Variants in PRIM2 observed in about 807,000 individuals in gnomAD.
PRIM2 encodes DNA primase subunit 2.
PRIM2 carries 39 observed loss-of-function variants against 67.3 expected under a neutral mutation model. That is an observed-to-expected ratio of 0.58 (90% CI 0.45 to 0.76). PRIM2 has a LOEUF of 0.76. Among genes scored for constraint, PRIM2 ranks in the 30% least tolerant of loss-of-function variants. The pLI, the probability that PRIM2 is intolerant of heterozygous loss-of-function variation, is 0.00. For synonymous variants in PRIM2, 143 were observed against 198.7 expected, an observed-to-expected ratio of 0.72 and a Z score of 2.36; for missense variants, 398 against 598.7, an observed-to-expected ratio of 0.66 and a Z score of 3.50.
At chr6:57,627,278 TCAAAAA>T (rs1384740709) in intron 12 of PRIM2, among the ~76,000 whole-genome samples, 3 of 4,858 alleles carry the variant, frequency 6.2e-4, no homozygotes, top group African/African-American at 3.0e-3. Context: ...AGACTCTGTC[TCAAAAA>T]AAAAAAAAAA....
chr6:57,419,337 C>A (rs371763688), intron 7 of PRIM2, among the ~76,000 whole-genome samples: 3 of 152,006 alleles, frequency 2.0e-5, no homozygotes, highest in Non-Finnish European at 4.4e-5. Context: ...TAGGGTTATT[C>A]TAGGTTGGTT....
intron 7 of PRIM2, among the ~76,000 whole-genome samples, chr6:57,401,783 G>A (rs1389873877): frequency 1.3e-5 from 2 of 152,198 alleles, no homozygotes; most frequent in Non-Finnish European, 2.9e-5. Context: ...CCAGCCAGGG[G>A]TTCTCTGTCT....
At chr6:57,226,179 A>G in the PRIM2 span, among the ~76,000 whole-genome samples, 1 of 152,252 alleles carries the variant, frequency 6.6e-6, no homozygotes, top group African/African-American at 2.4e-5. Context: ...AAGAAAGTAT[A>G]CAAATACACA....
At chr6:57,417,787 G>A (rs1771318444) in intron 7 of PRIM2, among the ~76,000 whole-genome samples, 1 of 152,170 alleles carries the variant, frequency 6.6e-6, no homozygotes, top group African/African-American at 2.4e-5. Context: ...CATGCTATTG[G>A]AAAAATGCAG....
chr6:57,431,455 C>A (rs1365313852), intron 7 of PRIM2, among the ~76,000 whole-genome samples: 1 of 151,946 alleles, frequency 6.6e-6, no homozygotes, highest in African/African-American at 2.4e-5. Context: ...GAGTTTCAGA[C>A]CAGCCTGGGC....
chr6:57,247,574 T>C, the PRIM2 span, among the ~76,000 whole-genome samples: 9 of 152,210 alleles, frequency 5.9e-5, no homozygotes, highest in Admixed American at 2.6e-4. Context: ...ACTGCTGTAA[T>C]AGTATAAATT....
intron 8 of PRIM2, among the ~76,000 whole-genome samples, chr6:57,511,581 G>A (rs1774369855): frequency 1.3e-5 from 2 of 152,094 alleles, no homozygotes; most frequent in Non-Finnish European, 2.9e-5. Flanking sequence ...TTTGGTTTCC[G>A]TGCATTCTAG....
chr6:57,229,999 T>C, the PRIM2 span, among the ~76,000 whole-genome samples: 1 of 152,196 alleles, frequency 6.6e-6, no homozygotes, highest in South Asian at 2.1e-4. Context: ...TGATATCTGC[T>C]TTTGATATTT....
chr6:57,259,049 G>C, the PRIM2 span, among the ~76,000 whole-genome samples: 1 of 152,120 alleles, frequency 6.6e-6, no homozygotes, highest in Non-Finnish European at 1.5e-5. Context: ...CAAACACATG[G>C]ATATATTATA....
chr6:57,258,861 C>G, the PRIM2 span, among the ~76,000 whole-genome samples: 71 of 152,300 alleles, frequency 4.7e-4, 2 homozygotes, highest in East Asian at 0.011. Context: ...GGAGGGCAGA[C>G]AGCAGGATAG....
In PRIM2 at chr6:57,601,450, A is replaced by G. The variant is rs1271409673; in HGVS notation, c.1147+231A>G. Among the ~76,000 whole-genome samples, 4 of 152,372 alleles carry G rather than the reference A, an allele frequency of 2.6e-5. No individual in the cohort carries two copies. In the East Asian group the frequency reaches 7.7e-4, roughly 29 times the overall value. On this transcript the variant is annotated intron_variant, in intron 11 of 13. Coordinates refer to ENST00000615550, the MANE Select transcript of PRIM2 (RefSeq NM_000947.5). ...GCTGCACTTCAGTTTGTGCTGGATT[A>G]GGCTTTTCAGTTCTCACTGTCTTCC...
intron 10 of PRIM2, among the ~76,000 whole-genome samples, chr6:57,556,781 T>C (rs1775521742): frequency 6.6e-6 from 1 of 152,016 alleles, no homozygotes; most frequent in African/African-American, 2.4e-5. Context: ...GCAAATAGGA[T>C]CTAATTAAAC....
chr6:57,330,383 G>GTTTTTTTTTTTT (rs60270076), intron 5 of PRIM2, among the ~76,000 whole-genome samples: 3 of 99,552 alleles, frequency 3.0e-5, no homozygotes, highest in Non-Finnish European at 5.8e-5. Flanking sequence ...TTGTTTTTTT[G>GTTTTTTTTTTTT]TTTTTTTTTT....
At position 57,636,499 on chromosome 6, in the gene PRIM2, G is replaced by A. The variant is rs1369469535; in HGVS notation, c.1299+4298G>A. Among the ~76,000 whole-genome samples the A allele has an allele frequency of 1.4e-3, 206 of 152,192 alleles. 4 individuals carry two copies. In the East Asian group the frequency reaches 0.018, roughly 13 times the overall value. ...ACTTCCCTTAAAAATGAAAGTGAAG[G>A]AAACAGAACACAAAGAACCCATCCT... is the stretch of plus-strand genomic sequence containing the variant. On this transcript the variant is annotated intron_variant, in intron 13 of 13. Transcript: ENST00000615550.
the PRIM2 span, among the ~76,000 whole-genome samples, chr6:57,297,200 G>A: frequency 6.6e-6 from 1 of 152,124 alleles, no homozygotes; most frequent in Admixed American, 6.5e-5. Flanking sequence ...CCAGCACTTT[G>A]GGAGGTTGAG....
chr6:57,645,970 T>C lies in PRIM2; in HGVS notation c.1342T>C (p.Phe448Leu). 1.2e-6 allele frequency: 2 copies of C among 1,604,652 alleles called. No homozygotes were observed. Among genetic ancestry groups the C allele is most frequent in the Non-Finnish European group, 1.7e-6 (2 of 1,171,416 alleles). The part of the protein sequence containing the change: ...GFSLNHPNQF[F>L]CESQRILNGG... ...TTCTTTGAATCATCCTAATCAGTTC[T>C]TTTGTGAGAGCCAACGTATTCTAAA... The change falls in exon 14 of 14, where the codon TTT becomes CTT. Residue 448 changes from phenylalanine (F) to leucine (L), a missense_variant. Phe to Leu is a conservative substitution (Grantham distance 22). Transcript: ENST00000615550.
chr6:57,343,959 C>T (rs1768586347), intron 5 of PRIM2, among the ~76,000 whole-genome samples: 1 of 152,004 alleles, frequency 6.6e-6, no homozygotes, highest in South Asian at 2.1e-4. Context: ...TTGCTGAAGG[C>T]AGACCAGGAT....
intron 5 of PRIM2, among the ~76,000 whole-genome samples, chr6:57,367,678 T>G (rs2127319806): frequency 6.6e-6 from 1 of 152,352 alleles, no homozygotes; most frequent in East Asian, 1.9e-4. Context: ...CTAGGATGTC[T>G]AAGACAGCTT....
At chr6:57,588,658 GT>G in intron 10 of PRIM2, among the ~76,000 whole-genome samples, 1 of 151,956 alleles carries the variant, frequency 6.6e-6, no homozygotes, top group African/African-American at 2.4e-5. Flanking sequence ...AAAATTTCAG[GT>G]TTTTCCAGTT....
Sources: allele counts gnomAD v4.1 joint callset (sites outside exome capture counted in the v4.1 genomes callset), GRCh38; gene constraint gnomAD v4.1.1; transcripts MANE v1.5; gene names NCBI Gene and HGNC (gene_info 2026-07-23, HGNC 2026-07-21).